The following NEDD4 variants were observed in gnomAD, a reference collection of about 807,000 sequenced individuals.
NEDD4 encodes the protein NEDD4 E3 ubiquitin protein ligase.
A neutral mutation model predicts 144.9 loss-of-function variants in NEDD4; 99 were observed. That is an observed-to-expected ratio of 0.68 (90% CI 0.58 to 0.81). The LOEUF (loss-of-function observed/expected upper bound fraction) is 0.81, where lower values mean the gene tolerates loss of function less well. Among genes scored for constraint, NEDD4 ranks in the 30% least tolerant of loss-of-function variants. NEDD4 has a pLI of 0.00. For missense variants in NEDD4, 985 were observed against 1,065.9 expected, an observed-to-expected ratio of 0.92 and a Z score of 1.06; for synonymous variants, 318 against 350.6, an observed-to-expected ratio of 0.91 and a Z score of 1.04.
intron 12 of NEDD4, among the ~76,000 whole-genome samples, chr15:55,854,785 C>A (rs1048603985): frequency 1.3e-5 from 2 of 152,014 alleles, no homozygotes; most frequent in South Asian, 4.2e-4. Context: ...TTAAAAAAAA[C>A]CCCAATCAAT....
At chr15:55,940,203 T>C (rs2036970576) in intron 4 of NEDD4, among the ~76,000 whole-genome samples, 1 of 152,096 alleles carries the variant, frequency 6.6e-6, no homozygotes, top group African/African-American at 2.4e-5. Context: ...AATACTATAT[T>C]ATACACCAAA....
intron 5 of NEDD4, among the ~76,000 whole-genome samples, chr15:55,890,787 C>T (rs569215193): frequency 1.3e-5 from 2 of 152,312 alleles, no homozygotes; most frequent in East Asian, 1.9e-4. Flanking sequence ...ATTTCAATTC[C>T]TCCCCTTTCT....
At chr15:55,853,164 A>G (rs2034060267) in intron 12 of NEDD4, among the ~76,000 whole-genome samples, 1 of 152,238 alleles carries the variant, frequency 6.6e-6, no homozygotes, top group Non-Finnish European at 1.5e-5. Context: ...ACCATGTATT[A>G]TAATAAAAAT....
At chr15:55,878,748 C>T (rs2035079244) in intron 5 of NEDD4, among the ~76,000 whole-genome samples, 1 of 152,250 alleles carries the variant, frequency 6.6e-6, no homozygotes. Flanking sequence ...AGTAGAATTA[C>T]TCAGCGATGA....
intron 26 of NEDD4, 139 bp from the exon 27 acceptor site, chr15:55,833,243 T>C (rs1468468841): frequency 1.7e-6 from 1 of 598,520 alleles, no homozygotes; most frequent in African/African-American, 1.8e-5. Context: ...TAAATTTTTG[T>C]TTATAGATGG....
intron 1 of NEDD4, among the ~76,000 whole-genome samples, chr15:55,990,148 G>A (rs897426636): frequency 6.6e-5 from 10 of 151,624 alleles, no homozygotes; most frequent in African/African-American, 2.2e-4. Context: ...TCTACATTAC[G>A]GTGAGCTGTA....
At chr15:55,988,503 A>G (rs866096416) in intron 1 of NEDD4, among the ~76,000 whole-genome samples, 4,309 of 147,862 alleles carry the variant, frequency 0.029, 78 homozygotes, top group Non-Finnish European at 0.035. Flanking sequence ...AAAAAAAAAA[A>G]AAAGAAAAAC....
intron 5 of NEDD4, among the ~76,000 whole-genome samples, chr15:55,882,009 T>G (rs1210296815): frequency 6.6e-6 from 1 of 152,156 alleles, no homozygotes; most frequent in Non-Finnish European, 1.5e-5. Context: ...CATTCCTCAT[T>G]AAGAACCACT....
chr15:55,925,155 A>G (rs1412147226), intron 4 of NEDD4, among the ~76,000 whole-genome samples: 19 of 152,232 alleles, frequency 1.2e-4, no homozygotes, highest in African/African-American at 4.6e-4. Flanking sequence ...ATTACATGAA[A>G]TAAGAGCAGA....
At chr15:55,863,252 TGAA>T (rs1279571178) in intron 8 of NEDD4, among the ~76,000 whole-genome samples, 173 bp from the exon 9 acceptor site, 1 of 152,196 alleles carries the variant, frequency 6.6e-6, no homozygotes, top group East Asian at 1.9e-4. Flanking sequence ...TTTATGATAA[TGAA>T]GACTCTTTTT....
intron 5 of NEDD4, among the ~76,000 whole-genome samples, chr15:55,881,962 T>C (rs1298064511): frequency 1.3e-5 from 2 of 152,148 alleles, no homozygotes; most frequent in African/African-American, 4.8e-5. Flanking sequence ...CCAAAAACAT[T>C]TTCTGGCTTT....
chr15:55,947,081 C>T (rs1244639345), intron 4 of NEDD4, among the ~76,000 whole-genome samples: 3 of 152,096 alleles, frequency 2.0e-5, no homozygotes, highest in Non-Finnish European at 4.4e-5. Flanking sequence ...GACACCCTAA[C>T]ATCACAATTG....
intron 24 of NEDD4, among the ~76,000 whole-genome samples, chr15:55,836,341 C>G (rs1372035991): frequency 2.3e-5 from 2 of 88,520 alleles, no homozygotes; most frequent in African/African-American, 9.6e-5. Context: ...GACACACACA[C>G]ACACACACAC....
At chr15:55,842,198 CA>C in intron 18 of NEDD4, 35 bp from the exon 19 acceptor site, 1 of 1,541,754 alleles carries the variant, frequency 6.5e-7, no homozygotes, top group Non-Finnish European at 9.0e-7. Flanking sequence ...CTGTTTAAAT[CA>C]GTTCAACATA....
At chr15:55,927,077 C>CAAAAAAAAAAAAAAAAAAAAAAAA (rs57940091) in intron 4 of NEDD4, among the ~76,000 whole-genome samples, 2 of 70,668 alleles carry the variant, frequency 2.8e-5, no homozygotes, top group Non-Finnish European at 2.7e-5. Flanking sequence ...GACTACGTCT[C>CAAAAAAAAAAAAAAAAAAAAAAAA]AAAAAAAAAA....
At chr15:55,984,663 A>G (rs2037861135) in intron 1 of NEDD4, among the ~76,000 whole-genome samples, 1 of 152,222 alleles carries the variant, frequency 6.6e-6, no homozygotes, top group Admixed American at 6.5e-5. Context: ...GGCTACAGAC[A>G]TATTTACTCA....
At chr15:55,863,625 A>C (rs1006286002) in intron 8 of NEDD4, among the ~76,000 whole-genome samples, 20 of 152,232 alleles carry the variant, frequency 1.3e-4, no homozygotes, top group African/African-American at 3.9e-4. Context: ...AAATCGTTTA[A>C]ATAAACAACC....
At chr15:55,982,428 A>G (rs1027145820) in intron 1 of NEDD4, among the ~76,000 whole-genome samples, 2 of 152,226 alleles carry the variant, frequency 1.3e-5, no homozygotes, top group Non-Finnish European at 2.9e-5. Context: ...TTCACCAAGA[A>G]AAAGAATGAG....
chr15:55,942,495 A>G (rs770471395), intron 4 of NEDD4, among the ~76,000 whole-genome samples: 1 of 152,128 alleles, frequency 6.6e-6, no homozygotes, highest in Non-Finnish European at 1.5e-5. Flanking sequence ...TTGGTTGCTT[A>G]AAAGTGTGTA....
Sources: allele counts gnomAD v4.1 joint callset (sites outside exome capture counted in the v4.1 genomes callset), GRCh38; gene constraint gnomAD v4.1.1; transcripts MANE v1.5; gene names NCBI Gene and HGNC (gene_info 2026-07-23, HGNC 2026-07-21).